SYK: variants seen among roughly 807,000 people sequenced by gnomAD.
The protein encoded by SYK is tyrosine-protein kinase SYK.
SYK carries 16 observed loss-of-function variants against 77.8 expected under a neutral mutation model. The observed-to-expected ratio is 0.21, with a 90% CI of 0.14 to 0.31. The LOEUF is 0.31. Ranked by LOEUF, SYK falls within the 10% of genes least tolerant of loss-of-function variation. SYK has a pLI of 1.00. For synonymous variants in SYK, 312 were observed against 308.7 expected (o/e 1.01, Z -0.11); for missense variants, 529 against 814.4 (o/e 0.65, Z 4.26).
At position 90,853,211 on chromosome 9, in the gene SYK, C is replaced by T. The variant is rs1219436216; in HGVS notation, c.578+7617C>T. Among the ~76,000 whole-genome samples the T allele has an allele frequency of 3.4e-5, 5 of 148,652 alleles. No individual in the cohort carries two copies. The East Asian group carries it at 9.8e-4, about 29-fold the overall frequency. On this transcript the variant is annotated intron_variant, in intron 3 of 13. Transcript: ENST00000375754. ...GGACAACATGGTTCATCGGGCCTGT[C>T]TCAGGTGCCCAGGCTGGACTATCAT... is the stretch of plus-strand genomic sequence containing the variant.
Position 90,887,805 on chromosome 9 carries a change from C to T in SYK, c.1638C>T (p.Tyr546=). 6.2e-7 allele frequency: 1 copy of T among 1,613,764 alleles called. No homozygotes were observed. The highest frequency in any genetic ancestry group is 1.1e-5 in the South Asian group (1 of 90,992). ...GGTACGCTCCGGAATGCATCAACTA[C>T]TACAAGTTCTCCAGCAAAAGCGATG... ...VKWYAPECIN[Y]YKFSSKSDVW... Residue 546 remains tyrosine (Y), a synonymous_variant, in exon 12 of 14, where the codon TAC becomes TAT. Coordinates refer to ENST00000375754, the MANE Select transcript of SYK (RefSeq NM_003177.7).
At position 90,884,884 on chromosome 9, in the gene SYK, T is replaced by C. The variant is rs370227457; in HGVS notation, c.1582-2865T>C. 5.7e-4 allele frequency among the ~76,000 whole-genome samples: 3 copies of C among 5,294 alleles called. 1 individual carries two copies. In the South Asian group the frequency reaches 0.025, roughly 44 times the overall value. 3.5% of individuals were successfully genotyped at this position (5,294 alleles called of 152,430 possible). On this transcript the variant is annotated intron_variant, in intron 11 of 13. Transcript: ENST00000375754. ...GTATATACATATATACATATATACA[T>C]ATATATACATATGCACATATGTGTA...
At chr9:90,885,727 C>T (rs1564123935) in intron 11 of SYK, among the ~76,000 whole-genome samples, 1 of 152,148 alleles carries the variant, frequency 6.6e-6, no homozygotes, top group Admixed American at 6.5e-5. Context: ...CTCCACAGCA[C>T]GTTATAATCA....
intron 13 of SYK, among the ~76,000 whole-genome samples, chr9:90,890,009 G>A (rs1828727367): frequency 6.6e-6 from 1 of 152,170 alleles, no homozygotes; most frequent in Non-Finnish European, 1.5e-5. Flanking sequence ...GGGTGAGGAG[G>A]GTAGAGTTTA....
intron 1 of SYK, among the ~76,000 whole-genome samples, chr9:90,829,790 C>T (rs1271243925): frequency 6.6e-6 from 1 of 152,162 alleles, no homozygotes; most frequent in Non-Finnish European, 1.5e-5. Flanking sequence ...TATAACTACA[C>T]AGTTAACATT....
intron 2 of SYK, among the ~76,000 whole-genome samples, chr9:90,844,873 G>A (rs542520504): frequency 4.3e-4 from 66 of 152,314 alleles, no homozygotes; most frequent in African/African-American, 1.5e-3. Flanking sequence ...TGTATGCAAC[G>A]TCTGCAGGAT....
chr9:90,884,184 TATACACAC>T (rs1828283680), intron 11 of SYK, among the ~76,000 whole-genome samples: 1 of 143,084 alleles, frequency 7.0e-6, no homozygotes, highest in Admixed American at 7.1e-5. Context: ...TACGTGTATA[TATACACAC>T]ATACACATAC....
At chr9:90,882,300 G>C (rs566338852) in intron 11 of SYK, among the ~76,000 whole-genome samples, 2 of 152,226 alleles carry the variant, frequency 1.3e-5, no homozygotes, top group Non-Finnish European at 2.9e-5. Context: ...GGAAACAGAA[G>C]TATAATCAGT....
intron 1 of SYK, among the ~76,000 whole-genome samples, chr9:90,816,417 C>CT (rs1667724879): frequency 1.3e-5 from 2 of 152,130 alleles, no homozygotes; most frequent in South Asian, 2.1e-4. Context: ...GACTATATGC[C>CT]TCTGGTTGGA....
intron 1 of SYK, among the ~76,000 whole-genome samples, chr9:90,804,124 A>G (rs1333635): frequency 0.41 from 62,630 of 151,992 alleles, 13,967 homozygotes; most frequent in East Asian, 0.62. Context: ...AGGAAAGTGC[A>G]TTTATGTTGT....
chr9:90,874,712 C>A lies in SYK; in HGVS notation c.1044C>A (p.Tyr348Ter). 1 of 1,614,042 alleles carries A rather than the reference C, an allele frequency of 6.2e-7. No homozygotes were observed. The highest frequency in any genetic ancestry group is 8.5e-7 in the Non-Finnish European group (1 of 1,180,008). ...REALPMDTEV[Y>*]ESPYADPEEI... ...CCCTACCCATGGACACAGAGGTGTA[C>A]GAGAGCCCCTACGCGGACCCCGAGG... is the stretch of plus-strand genomic sequence containing the variant. The change falls in exon 9 of 14, where the codon TAC becomes TAA. Residue 348 changes from tyrosine (Y) to a stop codon, truncating the protein, a stop_gained. Coordinates refer to ENST00000375754, the MANE Select transcript of SYK (RefSeq NM_003177.7). LOFTEE classifies it high-confidence loss of function.
intron 9 of SYK, 125 bp from the exon 10 acceptor site, chr9:90,877,446 T>TTCTTCAGAATG (rs1450555991): frequency 3.9e-6 from 4 of 1,023,868 alleles, no homozygotes; most frequent in Non-Finnish European, 5.8e-6. Context: ...TGAAGACACA[T>TTCTTCAGAATG]TGCCACTCTG....
Position 90,895,520 on chromosome 9 carries a change from C to T in SYK, c.1836-8C>T, listed in dbSNP as rs1406758352. 2 of 1,613,892 alleles carry T rather than the reference C, an allele frequency of 1.2e-6. No individual in the cohort carries two copies. The highest frequency in any genetic ancestry group is 1.6e-4 in the Middle Eastern group (1 of 6,082). ...TTGACAAACAAGAATGCATCTCTTC[C>T]ATTCCAGTGTGGAAAACAGGCCCGG... On this transcript the variant is annotated splice_polypyrimidine_tract_variant and splice_region_variant and intron_variant, in intron 13 of 13. Transcript: ENST00000375754. This position sits in a 1 kb window ranked among gnomAD's most constrained non-coding sequence, Gnocchi z 4.4.
At position 90,884,745 on chromosome 9, in the gene SYK, A is replaced by G. The variant is rs1424579023; in HGVS notation, c.1582-3004A>G. On this transcript the variant is annotated intron_variant, in intron 11 of 13. Coordinates refer to ENST00000375754, the MANE Select transcript of SYK (RefSeq NM_003177.7). ...CACATATGTGTACATGTACATATAC[A>G]CATATACACATATGTGTACATGCAC... Among the ~76,000 whole-genome samples, 2 of 39,528 alleles carry G rather than the reference A, an allele frequency of 5.1e-5. 1 individual carries two copies. The highest frequency in any genetic ancestry group is 4.1e-4 in the African/African-American group (2 of 4,874). 25.9% of individuals were successfully genotyped at this position (39,528 alleles called of 152,430 possible).
At chr9:90,873,012 A>G (rs1440629411) in intron 7 of SYK, among the ~76,000 whole-genome samples, 1 of 152,252 alleles carries the variant, frequency 6.6e-6, no homozygotes, top group East Asian at 1.9e-4. Flanking sequence ...AGCCTTGTCA[A>G]CAGGCTTGGG....
chr9:90,855,011 T>TCAC (rs1554710213), intron 3 of SYK, among the ~76,000 whole-genome samples: 1 of 143,314 alleles, frequency 7.0e-6, no homozygotes, highest in Non-Finnish European at 1.5e-5. Flanking sequence ...CACACATACA[T>TCAC]ACACACACAC....
chr9:90,802,211 G>C (rs780032002), intron 1 of SYK, among the ~76,000 whole-genome samples: 1 of 152,122 alleles, frequency 6.6e-6, no homozygotes, highest in Non-Finnish European at 1.5e-5. Flanking sequence ...GTGCGGTCGC[G>C]GCCCGGCCCT....
intron 4 of SYK, 52 bp from the exon 5 acceptor site, chr9:90,864,537 G>A (rs1446232058): frequency 1.6e-5 from 24 of 1,499,718 alleles, no homozygotes; most frequent in Admixed American, 1.3e-4. Flanking sequence ...GTCACTATTT[G>A]TCTATTTCCT....
At chr9:90,890,564 G>A (rs576862412) in intron 13 of SYK, among the ~76,000 whole-genome samples, 11 of 152,362 alleles carry the variant, frequency 7.2e-5, no homozygotes, top group South Asian at 2.1e-4. Flanking sequence ...ACCCCAGTCC[G>A]CTCTGCAGGG....
Sources: allele counts gnomAD v4.1 joint callset (sites outside exome capture counted in the v4.1 genomes callset), GRCh38; gene constraint gnomAD v4.1.1; non-coding constraint Gnocchi (gnomAD v3.1); transcripts MANE v1.5; gene names NCBI Gene and HGNC (gene_info 2026-07-23, HGNC 2026-07-21).